The following ARIH1 variants were observed in gnomAD, a reference collection of about 807,000 sequenced individuals.
The protein encoded by ARIH1 is ariadne RBR E3 ubiquitin protein ligase 1, also known as E3 ubiquitin-protein ligase ARIH1.
A neutral mutation model predicts 85.0 loss-of-function variants in ARIH1; 8 were observed. The ratio of observed to expected loss-of-function variants is 0.09; its 90% CI spans 0.06 to 0.17. The LOEUF (loss-of-function observed/expected upper bound fraction) is 0.17, where lower values mean the gene tolerates loss of function less well. ARIH1 is among the 10% of genes least tolerant of loss of function. The pLI, the probability that ARIH1 is intolerant of heterozygous loss-of-function variation, is 1.00. For synonymous variants in ARIH1, 238 were observed against 253.6 expected (o/e 0.94, Z 0.59); for missense variants, 311 against 718.1 (o/e 0.43, Z 6.48).
chr15:72,550,071 A>G (rs565022717), intron 3 of ARIH1, among the ~76,000 whole-genome samples: 42 of 152,316 alleles, frequency 2.8e-4, no homozygotes, highest in African/African-American at 9.9e-4. Flanking sequence ...GTATCTTTAG[A>G]CTACAGATTT....
chr15:72,577,283 C>G (rs1342660423), intron 11 of ARIH1, among the ~76,000 whole-genome samples: 1 of 152,102 alleles, frequency 6.6e-6, no homozygotes. Flanking sequence ...CTCACTGTGC[C>G]TGGCATATAC....
At chr15:72,499,562 T>A (rs556971381) in intron 1 of ARIH1, among the ~76,000 whole-genome samples, 2 of 152,350 alleles carry the variant, frequency 1.3e-5, no homozygotes, top group African/African-American at 4.8e-5. Context: ...TGAAGTGACA[T>A]CATTGAATGT....
chr15:72,566,399 T>G (rs1368702215), intron 7 of ARIH1, 164 bp from the exon 8 acceptor site: 7 of 634,806 alleles, frequency 1.1e-5, no homozygotes, highest in African/African-American at 1.9e-5. Context: ...TACTAAATTC[T>G]AGGTAATTAA....
At chr15:72,513,428 C>A (rs1035621783) in intron 1 of ARIH1, among the ~76,000 whole-genome samples, 1 of 151,936 alleles carries the variant, frequency 6.6e-6, no homozygotes, top group African/African-American at 2.4e-5. Context: ...TTACAGTTGT[C>A]GTATGTGTTA....
At position 72,482,495 on chromosome 15, in the gene ARIH1, A is replaced by G. The variant is rs994857055; in HGVS notation, c.375+7481A>G. Among the ~76,000 whole-genome samples the G allele has an allele frequency of 3.3e-5, 5 of 152,318 alleles. No homozygotes were observed. The East Asian group carries it at 9.7e-4, about 29-fold the overall frequency. On this transcript the variant is annotated intron_variant, in intron 1 of 13. Transcript: ENST00000379887. ...TCATTCTAAGGAACTGAATGAGGTGAGAATGAGGAGAGTTTTTGGGTAATG... is the reference window on the plus strand; with the variant it reads ...TCATTCTAAGGAACTGAATGAGGTGGGAATGAGGAGAGTTTTTGGGTAATG...
intron 11 of ARIH1, among the ~76,000 whole-genome samples, chr15:72,575,650 TAG>T (rs2064267698): frequency 6.6e-6 from 1 of 151,922 alleles, no homozygotes; most frequent in Admixed American, 6.6e-5. Context: ...TCAGAATTCT[TAG>T]ATTAAGTCAA....
At chr15:72,535,195 C>G (rs1037424984) in intron 2 of ARIH1, among the ~76,000 whole-genome samples, 1 of 151,842 alleles carries the variant, frequency 6.6e-6, no homozygotes. Flanking sequence ...TCGTGATCCA[C>G]CCGCCTCGGC....
At chr15:72,529,240 A>G (rs1274176231) in intron 2 of ARIH1, among the ~76,000 whole-genome samples, 1 of 151,912 alleles carries the variant, frequency 6.6e-6, no homozygotes, top group Non-Finnish European at 1.5e-5. Context: ...TAGTACAGTG[A>G]TTAAGAACAC....
intron 9 of ARIH1, 101 bp downstream of exon 9, chr15:72,567,278 T>A (rs1297385122): frequency 2.4e-6 from 2 of 849,124 alleles, no homozygotes; most frequent in Non-Finnish European, 3.7e-6. Flanking sequence ...AGGCTTTGTT[T>A]CATCTTTTTC....
chr15:72,474,593 C>T lies in ARIH1; in HGVS notation c.-47C>T, dbSNP rs763059051. Reference sequence around the variant, plus strand: ...GAGCCGGGGCCTCGGCGTCCCCGCCCTCTCCCCGCCTCGGCCAGCGTCCGC... The same window carrying T: ...GAGCCGGGGCCTCGGCGTCCCCGCCTTCTCCCCGCCTCGGCCAGCGTCCGC... On this transcript the variant is annotated 5_prime_UTR_variant, in exon 1 of 14. Transcript: ENST00000379887. 11 of 1,489,988 alleles carry T rather than the reference C, an allele frequency of 7.4e-6. No individual in the cohort carries two copies. Among genetic ancestry groups the T allele is most frequent in the East Asian group, 2.9e-5 (1 of 34,446 alleles). The allele number at this position is 1,489,988 out of a possible 1,614,324, so 92.3% of individuals were successfully genotyped here. A position where few individuals can be genotyped will look rare whatever the true frequency, so the allele number is the denominator to read the frequency against.
intron 3 of ARIH1, among the ~76,000 whole-genome samples, chr15:72,551,696 C>G (rs749525210): frequency 6.6e-6 from 1 of 152,002 alleles, no homozygotes; most frequent in Non-Finnish European, 1.5e-5. Context: ...TGTATGGCAA[C>G]AAAATATGAA....
At position 72,486,092 on chromosome 15, in the gene ARIH1, T is replaced by G. The variant is rs188745199; in HGVS notation, c.375+11078T>G. Among the ~76,000 whole-genome samples, 188 of 152,344 alleles carry G rather than the reference T, an allele frequency of 1.2e-3. 1 individual carries two copies. The highest frequency in any genetic ancestry group is 7.6e-4 in the Non-Finnish European group (52 of 68,036). ...TAATCACTTATGATTTAAGTTTCTTTCTAAATTTTTAATTTTTTTTTCCCT... is the reference window on the plus strand; with the variant it reads ...TAATCACTTATGATTTAAGTTTCTTGCTAAATTTTTAATTTTTTTTTCCCT... On this transcript the variant is annotated intron_variant, in intron 1 of 13. Coordinates refer to ENST00000379887, the MANE Select transcript of ARIH1 (RefSeq NM_005744.5).
chr15:72,522,608 A>G (rs954614787), intron 2 of ARIH1, among the ~76,000 whole-genome samples: 2 of 152,170 alleles, frequency 1.3e-5, no homozygotes, highest in Non-Finnish European at 2.9e-5. Context: ...AATAAACCCA[A>G]AGAAAGTAGA....
At chr15:72,554,098 A>G (rs2064164572) in intron 3 of ARIH1, among the ~76,000 whole-genome samples, 1 of 152,124 alleles carries the variant, frequency 6.6e-6, no homozygotes, top group Non-Finnish European at 1.5e-5. Flanking sequence ...GGAAATATGG[A>G]AAAATATTTT....
At chr15:72,485,661 C>T (rs1364031892) in intron 1 of ARIH1, among the ~76,000 whole-genome samples, 10 of 151,910 alleles carry the variant, frequency 6.6e-5, no homozygotes, top group Non-Finnish European at 1.5e-4. Context: ...AATTTTTCTT[C>T]CTGAGGTTAA....
At chr15:72,543,847 G>GTT (rs879379006) in intron 2 of ARIH1, among the ~76,000 whole-genome samples, 3 of 143,312 alleles carry the variant, frequency 2.1e-5, no homozygotes, top group East Asian at 4.0e-4. Context: ...AGATTGAAAA[G>GTT]TTTTTTTTTT....
chr15:72,563,121 G>A (rs1451935213), intron 6 of ARIH1, among the ~76,000 whole-genome samples: 2 of 152,234 alleles, frequency 1.3e-5, no homozygotes, highest in Non-Finnish European at 1.5e-5. Flanking sequence ...GATGATCACA[G>A]CTCTCTGCAG....
At chr15:72,525,780 C>T (rs2064024917) in intron 2 of ARIH1, among the ~76,000 whole-genome samples, 1 of 151,882 alleles carries the variant, frequency 6.6e-6, no homozygotes, top group African/African-American at 2.4e-5. Flanking sequence ...TCGGTGACCC[C>T]TGTGTTCCTC....
chr15:72,556,767 T>A (rs1421217881), intron 5 of ARIH1, among the ~76,000 whole-genome samples: 1 of 152,220 alleles, frequency 6.6e-6, no homozygotes, highest in African/African-American at 2.4e-5. Context: ...TATTCTCATC[T>A]TCATGTGTAC....
Sources: gnomAD v4.1 joint callset for allele counts (sites outside exome capture counted in the v4.1 genomes callset) on GRCh38, gnomAD v4.1.1 for gene constraint, MANE v1.5 for transcripts, NCBI Gene and HGNC (gene_info 2026-07-23, HGNC 2026-07-21) for gene names.